DYRK4: variants seen among roughly 807,000 people sequenced by gnomAD.
DYRK4 encodes the protein dual specificity tyrosine-phosphorylation-regulated kinase 4.
A neutral mutation model predicts 68.3 loss-of-function variants in DYRK4; 64 were observed. The observed-to-expected ratio is 0.94, with a 90% CI of 0.77 to 1.15. The LOEUF is 1.15. DYRK4 is among the 50% of genes most tolerant of loss of function. DYRK4 has a pLI of 0.00. For synonymous variants in DYRK4, 274 were observed against 289.9 expected (o/e 0.95, Z 0.56); for missense variants, 740 against 764.7 (o/e 0.97, Z 0.38).
rs190623842 is a variant in DYRK4, at chr12:4,582,802, G to A, written c.133-6135G>A. Among the ~76,000 whole-genome samples the A allele has an allele frequency of 1.6e-3, 238 of 152,302 alleles. 1 individual carries two copies. Among genetic ancestry groups the A allele is most frequent in the African/African-American group, 5.4e-3 (225 of 41,566 alleles). On this transcript the variant is annotated intron_variant, in intron 2 of 14. Coordinates refer to ENST00000543431, the MANE Select transcript of DYRK4 (RefSeq NM_001394779.1). ...GTGTTTGAAAATGGCAAGACTTGCA[G>A]TGGCAGGAGCCAAAAGGCAGGGGTA...
In DYRK4 at chr12:4,612,417, C is replaced by G. The variant is rs147841369; in HGVS notation, c.1491-126C>G. The G allele has an allele frequency of 1.1e-4, 116 of 1,019,432 alleles. No homozygotes were observed. The Middle Eastern group carries it at 3.3e-3, about 29-fold the overall frequency. The allele number at this position is 1,019,432 out of a possible 1,614,324, so 63.1% of individuals were successfully genotyped here. A position where few individuals can be genotyped will look rare whatever the true frequency, so the allele number is the denominator to read the frequency against. ...TAAGTTATATGCCATAATCTCTGTT[C>G]TATGATTATATATCTTTGAGATATC... On this transcript the variant is annotated intron_variant, in intron 13 of 14. Coordinates refer to ENST00000543431, the MANE Select transcript of DYRK4 (RefSeq NM_001394779.1).
In DYRK4 at chr12:4,562,260, G is replaced by A. The variant is rs1944633456; in HGVS notation, c.15G>A (p.Pro5=). Residue 5 remains proline (P), a synonymous_variant, in exon 1 of 15, where the codon CCG becomes CCA. Transcript: ENST00000543431. MQLL[P]PPIRTGTKTQ... ...GCGCCGGCCTCATGCAGCTCCTCCC[G>A]CCGCCTATCCGCACCGGAACAAAGT... is the stretch of plus-strand genomic sequence containing the variant. 1.3e-6 allele frequency: 2 copies of A among 1,532,308 alleles called. No individual in the cohort carries two copies. The highest frequency in any genetic ancestry group is 2.0e-5 in the Admixed American group (1 of 50,648). 94.9% of individuals were successfully genotyped at this position (1,532,308 alleles called of 1,614,324 possible). A position where few individuals can be genotyped will look rare whatever the true frequency, so the allele number is the denominator to read the frequency against.
In DYRK4 at chr12:4,591,082, CTT is replaced by C; in HGVS notation, c.325-76_325-75del. On this transcript the variant is annotated intron_variant, in intron 4 of 14. Coordinates refer to ENST00000543431, the MANE Select transcript of DYRK4 (RefSeq NM_001394779.1). This position sits in a 1 kb window ranked among gnomAD's most constrained non-coding sequence, Gnocchi z 4.1. ...AAAGAGCCTGGCTGAAGGTGGGTGT[CTT>C]TGGTTAAATAAATGGTTTATGGCCC... is the stretch of plus-strand genomic sequence containing the variant. 9.1e-6 allele frequency: 14 copies of C among 1,533,782 alleles called. No individual in the cohort carries two copies. The highest frequency in any genetic ancestry group is 1.1e-5 in the Non-Finnish European group (13 of 1,138,350).
At chr12:4,578,276 G>A (rs911368653) in intron 2 of DYRK4, among the ~76,000 whole-genome samples, 3 of 150,274 alleles carry the variant, frequency 2.0e-5, no homozygotes, top group African/African-American at 7.5e-5. Context: ...TATCCTCTAC[G>A]TCTATAATCT....
chr12:4,570,477 T>TG (rs1049946999), intron 2 of DYRK4, among the ~76,000 whole-genome samples: 14 of 152,282 alleles, frequency 9.2e-5, no homozygotes, highest in African/African-American at 3.4e-4. Context: ...AGTAAGGAAA[T>TG]GCAAACAACT....
chr12:4,570,468 G>T (rs1944720332), intron 2 of DYRK4, among the ~76,000 whole-genome samples: 1 of 152,168 alleles, frequency 6.6e-6, no homozygotes, highest in Admixed American at 6.5e-5. Context: ...ATAGGTTTAA[G>T]TAAGGAAATG....
At chr12:4,580,935 G>A (rs1311768443) in intron 2 of DYRK4, 6 of 453,324 alleles carry the variant, frequency 1.3e-5, no homozygotes, top group Non-Finnish European at 2.7e-5. Flanking sequence ...GGTGGCCTGA[G>A]GCCTGCAGAG....
At chr12:4,602,495 G>T in intron 10 of DYRK4, 1 of 1,309,400 alleles carries the variant, frequency 7.6e-7, no homozygotes. Flanking sequence ...AGCAGAGCTT[G>T]GACAAGTCTT....
chr12:4,593,316 A>G (rs1944978821), intron 6 of DYRK4, 151 bp downstream of exon 6: 1 of 883,848 alleles, frequency 1.1e-6, no homozygotes, highest in Admixed American at 3.0e-5. Context: ...AAACCAAGGA[A>G]ATACCATGTT....
At chr12:4,598,523 C>T (rs887104846) in intron 8 of DYRK4, among the ~76,000 whole-genome samples, 1 of 152,234 alleles carries the variant, frequency 6.6e-6, no homozygotes, top group African/African-American at 2.4e-5. Flanking sequence ...TTTCATTTCT[C>T]AAAGGAGCAG....
In DYRK4 at chr12:4,575,705, GA is replaced by G. The variant is rs1041259561; in HGVS notation, c.132+7660del. Among the ~76,000 whole-genome samples the G allele has an allele frequency of 1.1e-3, 167 of 152,204 alleles. 3 individuals carry two copies. The highest frequency in any genetic ancestry group is 0.011 in the Admixed American group (166 of 15,298). On this transcript the variant is annotated intron_variant, in intron 2 of 14. Coordinates refer to ENST00000543431, the MANE Select transcript of DYRK4 (RefSeq NM_001394779.1). ...TGGCTATTTGTGTTTCCTCTTCTTT[GA>G]AATACTTGGTCATGCCTTTATTGTT...
intron 6 of DYRK4, 39 bp from the exon 7 acceptor site, chr12:4,596,110 C>T (rs1207498370): frequency 6.2e-7 from 1 of 1,606,932 alleles, no homozygotes; most frequent in East Asian, 2.2e-5. Context: ...GCCTGGGAGC[C>T]CATGGCTTTG....
rs887549095 is a variant in DYRK4, at chr12:4,612,426, T to C, written c.1491-117T>C. ...TGCCATAATCTCTGTTCTATGATTATATATCTTTGAGATATCAACATAGCT... is the reference window on the plus strand; with the variant it reads ...TGCCATAATCTCTGTTCTATGATTACATATCTTTGAGATATCAACATAGCT... On this transcript the variant is annotated intron_variant, in intron 13 of 14. Coordinates refer to ENST00000543431, the MANE Select transcript of DYRK4 (RefSeq NM_001394779.1). 3.7e-5 allele frequency: 40 copies of C among 1,079,670 alleles called. No individual in the cohort carries two copies. The African/African-American group carries it at 5.4e-4, about 15-fold the overall frequency. The allele number at this position is 1,079,670 out of a possible 1,614,324, so 66.9% of individuals were successfully genotyped here.
chr12:4,576,633 C>A (rs961299689), intron 2 of DYRK4, among the ~76,000 whole-genome samples: 2 of 152,212 alleles, frequency 1.3e-5, no homozygotes, highest in African/African-American at 4.8e-5. Context: ...TTCCCACCAA[C>A]AATGAATAAG....
At position 4,605,003 on chromosome 12, in the gene DYRK4, G is replaced by C. The variant is rs373007519; in HGVS notation, c.1216G>C (p.Gly406Arg). The C allele has an allele frequency of 1.9e-6, 3 of 1,614,042 alleles. No individual in the cohort carries two copies. The highest frequency in any genetic ancestry group is 2.5e-6 in the Non-Finnish European group (3 of 1,179,942). Residue 406 changes from glycine (G) to arginine (R), a missense_variant, in exon 11 of 15, where the codon GGC becomes CGC. Gly to Arg is a moderately radical substitution (Grantham distance 125). Transcript: ENST00000543431. Reference protein sequence around the residue: ...YDVAIDMWSLGCITAELYTGY... With the variant: ...YDVAIDMWSLRCITAELYTGY... ...CGTGGCCATTGACATGTGGAGCCTGGGCTGCATCACGGCGGAGTTGTACAC... is the reference window on the plus strand; with the variant it reads ...CGTGGCCATTGACATGTGGAGCCTGCGCTGCATCACGGCGGAGTTGTACAC...
At chr12:4,601,705 T>A (rs897996887) in intron 10 of DYRK4, among the ~76,000 whole-genome samples, 1 of 152,226 alleles carries the variant, frequency 6.6e-6, no homozygotes, top group Non-Finnish European at 1.5e-5. Context: ...CAACTTTTAC[T>A]TTACATATAT....
At position 4,574,224 on chromosome 12, in the gene DYRK4, T is replaced by TAA. The variant is rs58588899; in HGVS notation, c.132+6198_132+6199dup. ...TGGGCGACAGAGCGAGACTCCATCT[T>TAA]AAAAAAAAAAAAAAAAAAAAAAAGG... is the stretch of plus-strand genomic sequence containing the variant. On this transcript the variant is annotated intron_variant, in intron 2 of 14. Coordinates refer to ENST00000543431, the MANE Select transcript of DYRK4 (RefSeq NM_001394779.1). Among the ~76,000 whole-genome samples the TAA allele has an allele frequency of 1.0e-3, 123 of 121,244 alleles. 2 individuals carry two copies. Among genetic ancestry groups the TAA allele is most frequent in the East Asian group, 7.0e-3 (27 of 3,884 alleles). The allele number at this position is 121,244 out of a possible 152,430, so 79.5% of individuals were successfully genotyped here. A position where few individuals can be genotyped will look rare whatever the true frequency, so the allele number is the denominator to read the frequency against.
At chr12:4,604,192 C>G (rs1412254240) in intron 10 of DYRK4, among the ~76,000 whole-genome samples, 2 of 152,204 alleles carry the variant, frequency 1.3e-5, no homozygotes, top group Non-Finnish European at 2.9e-5. Context: ...TTCTAAAATA[C>G]TCTGTGCATG....
chr12:4,575,157 G>C (rs1259494848), intron 2 of DYRK4, among the ~76,000 whole-genome samples: 2 of 152,250 alleles, frequency 1.3e-5, no homozygotes, highest in Non-Finnish European at 2.9e-5. Context: ...GACGTTACCA[G>C]ATAATGACAA....
Sources: allele counts gnomAD v4.1 joint callset (sites outside exome capture counted in the v4.1 genomes callset), GRCh38; gene constraint gnomAD v4.1.1; non-coding constraint Gnocchi (gnomAD v3.1); transcripts MANE v1.5; gene names NCBI Gene and HGNC (gene_info 2026-07-23, HGNC 2026-07-21).